The following FAM13C variants were observed in gnomAD, a reference collection of about 807,000 sequenced individuals.
The protein encoded by FAM13C is family with sequence similarity 13 member C, also known as protein FAM13C.
A neutral mutation model predicts 73.2 loss-of-function variants in FAM13C; 37 were observed. The observed-to-expected ratio is 0.51, with a 90% CI of 0.39 to 0.67. The LOEUF (loss-of-function observed/expected upper bound fraction) is 0.67. Ranked by LOEUF, FAM13C falls within the 30% of genes least tolerant of loss-of-function variation. The pLI is 0.00. For synonymous variants in FAM13C, 246 were observed against 260.9 expected, an observed-to-expected ratio of 0.94 and a Z score of 0.55; for missense variants, 589 against 715.6, an observed-to-expected ratio of 0.82 and a Z score of 2.02.
intron 5 of FAM13C, among the ~76,000 whole-genome samples, chr10:59,293,683 C>T (rs1846556306): frequency 6.6e-6 from 1 of 152,052 alleles, no homozygotes; most frequent in Admixed American, 6.5e-5. Context: ...CAAAAATGTC[C>T]TAAAAAAGAC....
intron 4 of FAM13C, among the ~76,000 whole-genome samples, chr10:59,310,021 G>A (rs1848737631): frequency 6.6e-6 from 1 of 152,322 alleles, no homozygotes; most frequent in Middle Eastern, 3.4e-3. Context: ...CTTCCCTGAA[G>A]AGATCTATGA....
intron 3 of FAM13C, among the ~76,000 whole-genome samples, chr10:59,324,500 A>G (rs1460480444): frequency 6.6e-6 from 1 of 151,960 alleles, no homozygotes; most frequent in African/African-American, 2.4e-5. Context: ...ATGAATGTTC[A>G]CACATACTCA....
rs1042079227 is a variant in FAM13C at position 59,315,230 on chromosome 10, G to C, written c.443+8758C>G. Among the ~76,000 whole-genome samples, 5 of 152,106 alleles carry C rather than the reference G, an allele frequency of 3.3e-5. No individual in the cohort carries two copies. In the South Asian group the frequency reaches 1.0e-3, roughly 32 times the overall value. On this transcript the variant is annotated intron_variant, in intron 4 of 13. Coordinates refer to ENST00000618804, the MANE Select transcript of FAM13C (RefSeq NM_198215.4). ...ACAAAAAATATTTTTTTAATCACCT[G>C]TAATTCATCTCCCCCCAAAATTACC...
chr10:59,300,869 T>C (rs1847519211), intron 5 of FAM13C: 1 of 152,276 alleles, frequency 6.6e-6, no homozygotes, highest in African/African-American at 2.4e-5. Context: ...TCTTGATTTA[T>C]GTGCTGGTTG....
At chr10:59,302,407 CA>C (rs1190284992) in intron 5 of FAM13C, among the ~76,000 whole-genome samples, 3 of 152,028 alleles carry the variant, frequency 2.0e-5, no homozygotes, top group Non-Finnish European at 4.4e-5. Context: ...AGTGGATAAA[CA>C]GTAAGTATGA....
At position 59,319,103 on chromosome 10, in the gene FAM13C, ACACACACACACACACATT is replaced by A. The variant is rs1415807633; in HGVS notation, c.443+4867_443+4884del. ...CACACACACACACACACACACACACACACACACACACACACATTGTCTATCTCAAAAACAAAAGATGAA... is the reference window on the plus strand; with the variant it reads ...CACACACACACACACACACACACACAGTCTATCTCAAAAACAAAAGATGAA... On this transcript the variant is annotated intron_variant, in intron 4 of 13. Transcript: ENST00000618804. 8.1e-3 allele frequency among the ~76,000 whole-genome samples: 1,216 copies of A among 150,848 alleles called. 23 individuals carry two copies. Among genetic ancestry groups the A allele is most frequent in the African/African-American group, 0.029 (1,170 of 40,440 alleles).
intron 8 of FAM13C, among the ~76,000 whole-genome samples, chr10:59,268,206 G>GA (rs1009750393): frequency 2.3e-4 from 29 of 125,344 alleles, no homozygotes; most frequent in South Asian, 7.6e-4. Flanking sequence ...GAGAAAAAGT[G>GA]AAAAAAAAAG....
chr10:59,326,428 T>C (rs1332052521), intron 3 of FAM13C, among the ~76,000 whole-genome samples: 1 of 152,104 alleles, frequency 6.6e-6, no homozygotes, highest in African/African-American at 2.4e-5. Flanking sequence ...TACTGATGAA[T>C]GGAACAGGCT....
intron 6 of FAM13C, chr10:59,282,283 T>C (rs978213411): frequency 2.6e-5 from 4 of 152,226 alleles, no homozygotes; most frequent in Admixed American, 6.5e-5. Flanking sequence ...TTTTAAATAA[T>C]GATAGTAGCT....
intron 3 of FAM13C, among the ~76,000 whole-genome samples, chr10:59,331,321 C>T (rs75116641): frequency 0.02 from 3,001 of 152,258 alleles, 104 homozygotes; most frequent in African/African-American, 0.069. Context: ...TGAACATCAA[C>T]TGGAGGAAAC....
At chr10:59,251,922 G>A (rs2133368384) in intron 12 of FAM13C, among the ~76,000 whole-genome samples, 1 of 152,188 alleles carries the variant, frequency 6.6e-6, no homozygotes, top group East Asian at 1.9e-4. Context: ...CAAGGAGATT[G>A]ATTGAATCCA....
chr10:59,350,096 C>G (rs1436234153), intron 3 of FAM13C, among the ~76,000 whole-genome samples: 1 of 152,094 alleles, frequency 6.6e-6, no homozygotes, highest in Non-Finnish European at 1.5e-5. Flanking sequence ...TTCCATTATT[C>G]AACAAATGTC....
intron 3 of FAM13C, among the ~76,000 whole-genome samples, chr10:59,332,435 G>A (rs2134110002): frequency 6.6e-6 from 1 of 152,250 alleles, no homozygotes; most frequent in African/African-American, 2.4e-5. Context: ...GACCAAGAAA[G>A]AGAAATAGGA....
In FAM13C at chr10:59,326,319, T is replaced by C. The variant is rs1380454239; in HGVS notation, c.325-2213A>G. On this transcript the variant is annotated intron_variant, in intron 3 of 13. Coordinates refer to ENST00000618804, the MANE Select transcript of FAM13C (RefSeq NM_198215.4). ...TCAAATGGGGAAAAGAGTGGCACTG[T>C]CACCTATGTTTCTTTTCCCCACCAA... Among the ~76,000 whole-genome samples the C allele has an allele frequency of 2.0e-5, 3 of 152,146 alleles. No homozygotes were observed. The East Asian group carries it at 5.8e-4, about 29-fold the overall frequency.
At chr10:59,297,432 A>C (rs1456850393) in intron 5 of FAM13C, among the ~76,000 whole-genome samples, 1 of 152,178 alleles carries the variant, frequency 6.6e-6, no homozygotes, top group Admixed American at 6.5e-5. Context: ...TTTGACCCTC[A>C]CTGTTGAGTC....
At chr10:59,337,594 G>GT (rs1852881735) in intron 3 of FAM13C, among the ~76,000 whole-genome samples, 1 of 150,066 alleles carries the variant, frequency 6.7e-6, no homozygotes, top group Non-Finnish European at 1.5e-5. Flanking sequence ...CTGGTCACTT[G>GT]TCACTGTGGC....
At position 59,332,240 on chromosome 10, in the gene FAM13C, A is replaced by ATG. The variant is rs556199666; in HGVS notation, c.325-8136_325-8135dup. Among the ~76,000 whole-genome samples the ATG allele has an allele frequency of 5.4e-3, 818 of 151,366 alleles. 19 individuals are homozygous for ATG. The South Asian group carries it at 0.061, about 11-fold the overall frequency. ...GGTAGATCAATATGTTTGTATATAT[A>ATG]TGTGTGTGTGTGTGTGTATTATTAC... On this transcript the variant is annotated intron_variant, in intron 3 of 13. Transcript: ENST00000618804.
chr10:59,302,836 T>C lies in FAM13C; in HGVS notation c.472A>G (p.Lys158Glu). 6.2e-7 allele frequency: 1 copy of C among 1,614,138 alleles called. No individual in the cohort carries two copies. The highest frequency in any genetic ancestry group is 1.1e-5 in the South Asian group (1 of 91,074). Residue 158 changes from lysine (K) to glutamate (E), a missense_variant, in exon 5 of 14, where the codon AAG becomes GAG. Physicochemically the swap from Lys to Glu is moderately conservative, Grantham distance 56. Transcript: ENST00000618804. The part of the protein sequence containing the change: ...RIDQRTAISP[K>E]DAFETRQDLN... ...TCCTGCCGAGTTTCAAAAGCATCCT[T>C]TGGCGAAATGGCAGTCCTCTGGTCT... is the stretch of plus-strand genomic sequence containing the variant.
At chr10:59,270,210 C>T (rs1589405786) in intron 6 of FAM13C, 101 bp from the exon 7 acceptor site, 1 of 1,162,792 alleles carries the variant, frequency 8.6e-7, no homozygotes, top group Non-Finnish European at 1.2e-6. Flanking sequence ...TAATGGCTTG[C>T]CTCTTTGTCA....
Sources: allele counts gnomAD v4.1 joint callset (sites outside exome capture counted in the v4.1 genomes callset), GRCh38; gene constraint gnomAD v4.1.1; transcripts MANE v1.5; gene names NCBI Gene and HGNC (gene_info 2026-07-23, HGNC 2026-07-21).